CSMD1: variants seen among roughly 807,000 people sequenced by gnomAD.
CSMD1 encodes the protein CUB and sushi domain-containing protein 1.
Under a neutral mutation model 417.5 loss-of-function variants are expected in CSMD1, and 213 were observed. The ratio of observed to expected loss-of-function variants is 0.51; its 90% CI spans 0.46 to 0.57. The LOEUF is 0.57. Ranked by LOEUF, CSMD1 falls within the 20% of genes least tolerant of loss-of-function variation. The pLI is 0.00. For synonymous variants in CSMD1, 2,862 were observed against 1,736.8 expected (o/e 1.65, Z -16.11); for missense variants, 6,923 against 4,529.7 (o/e 1.53, Z -15.17).
At chr8:3,410,687 C>G (rs1319924211) in intron 12 of CSMD1, among the ~76,000 whole-genome samples, 1 of 152,092 alleles carries the variant, frequency 6.6e-6, no homozygotes, top group Non-Finnish European at 1.5e-5. Flanking sequence ...TCTTTATCAG[C>G]AGTGTAAAAA....
rs1380617862 is a variant in CSMD1, at chr8:2,935,917, G to GC, written c.*2667dup. ...AGCAGCAGTTTTAAACAGCTCTGAA[G>GC]CACGTGTCCTCTGTTAGTGTGTGGT... On this transcript the variant is annotated 3_prime_UTR_variant, in exon 70 of 70. Coordinates refer to ENST00000635120, the MANE Select transcript of CSMD1 (RefSeq NM_033225.6). 1 of 152,214 alleles carries GC rather than the reference G, an allele frequency of 6.6e-6. No individual in the cohort carries two copies. The highest frequency in any genetic ancestry group is 6.5e-5 in the Admixed American group (1 of 15,286). The allele number at this position is 152,214 out of a possible 1,614,324, so 9.4% of individuals were successfully genotyped here.
At chr8:4,097,705 G>A (rs527832724) in intron 3 of CSMD1, among the ~76,000 whole-genome samples, 4 of 152,170 alleles carry the variant, frequency 2.6e-5, no homozygotes, top group African/African-American at 9.7e-5. Flanking sequence ...AATTCAGAAA[G>A]AACATTCAAC....
intron 3 of CSMD1, among the ~76,000 whole-genome samples, chr8:4,128,780 A>C (rs961100411): frequency 1.3e-5 from 2 of 152,032 alleles, no homozygotes; most frequent in African/African-American, 4.8e-5. Flanking sequence ...CCATCAACTC[A>C]TCCTTGCTGG....
chr8:3,829,008 A>T (rs1351932778), intron 5 of CSMD1, among the ~76,000 whole-genome samples: 3 of 151,168 alleles, frequency 2.0e-5, no homozygotes, highest in Admixed American at 1.3e-4. Flanking sequence ...CTCTGTCTAC[A>T]ATCACCTTTC....
At chr8:3,181,262 C>G (rs908896805) in intron 36 of CSMD1, 48 bp from the exon 37 acceptor site, 1 of 1,258,798 alleles carries the variant, frequency 7.9e-7, no homozygotes, top group Non-Finnish European at 1.1e-6. Flanking sequence ...AATACATTCA[C>G]TTTTCTAAAT....
chr8:3,628,876 A>C (rs35906766), intron 7 of CSMD1, among the ~76,000 whole-genome samples: 1 of 149,984 alleles, frequency 6.7e-6, no homozygotes, highest in Non-Finnish European at 1.5e-5. Flanking sequence ...AAGTTTTTTT[A>C]AAAAGATTAT....
rs562774996 is a variant in CSMD1 at position 4,050,656 on chromosome 8, C to A, written c.416-18557G>T. Among the ~76,000 whole-genome samples the A allele has an allele frequency of 8.2e-4, 125 of 152,158 alleles. 2 individuals are homozygous for A. The highest frequency in any genetic ancestry group is 2.9e-3 in the African/African-American group (122 of 41,514). The stretch of plus-strand genomic sequence containing the variant: ...TATCAAATACTAGATCTTATTCGTT[C>A]TCTTTTTTTGGACCCATTACACATC... On this transcript the variant is annotated intron_variant, in intron 3 of 69. Transcript: ENST00000635120.
At chr8:3,344,282 G>A (rs970648142) in intron 22 of CSMD1, among the ~76,000 whole-genome samples, 1 of 152,120 alleles carries the variant, frequency 6.6e-6, no homozygotes, top group African/African-American at 2.4e-5. Flanking sequence ...TTCTGCCAAT[G>A]CCATGAGGCT....
intron 2 of CSMD1, among the ~76,000 whole-genome samples, chr8:4,492,934 G>A (rs1801780833): frequency 6.6e-6 from 1 of 152,240 alleles, no homozygotes; most frequent in South Asian, 2.1e-4. Context: ...GTCACAGGCA[G>A]TGAAAACTCT....
At chr8:4,256,982 G>C (rs1191663660) in intron 3 of CSMD1, among the ~76,000 whole-genome samples, 1 of 152,168 alleles carries the variant, frequency 6.6e-6, no homozygotes, top group Non-Finnish European at 1.5e-5. Context: ...TATTCAATCT[G>C]GAAGAAGTAT....
chr8:3,854,572 C>T (rs1398011563), intron 5 of CSMD1, among the ~76,000 whole-genome samples: 2 of 152,046 alleles, frequency 1.3e-5, no homozygotes, highest in Admixed American at 6.6e-5. Flanking sequence ...TTTTCTATCT[C>T]CCTGCACTGG....
intron 10 of CSMD1, among the ~76,000 whole-genome samples, chr8:3,503,296 TATAAA>T (rs1796684991): frequency 2.0e-5 from 3 of 152,246 alleles, no homozygotes; most frequent in Admixed American, 2.0e-4. Context: ...AGGAGTCTCT[TATAAA>T]CTACAATTCA....
chr8:4,111,447 T>G (rs1801850372), intron 3 of CSMD1, among the ~76,000 whole-genome samples: 1 of 152,106 alleles, frequency 6.6e-6, no homozygotes, highest in Admixed American at 6.6e-5. Context: ...ATATACCCAG[T>G]AATGGGAAAA....
intron 5 of CSMD1, among the ~76,000 whole-genome samples, chr8:3,858,949 G>T (rs915459832): frequency 4.6e-5 from 7 of 152,156 alleles, no homozygotes; most frequent in African/African-American, 1.7e-4. Context: ...TTCAGCAGTG[G>T]AAGCAGAATT....
chr8:4,272,464 G>C lies in CSMD1; in HGVS notation c.415+147489C>G, dbSNP rs565397767. On this transcript the variant is annotated intron_variant, in intron 3 of 69. Coordinates refer to ENST00000635120, the MANE Select transcript of CSMD1 (RefSeq NM_033225.6). ...ACTATCTAAAACCAGGATTCTATGA[G>C]TATATAGGCACAGATAACTATACAC... Among the ~76,000 whole-genome samples the C allele has an allele frequency of 3.9e-5, 6 of 152,174 alleles. No homozygotes were observed. In the South Asian group the frequency reaches 1.2e-3, roughly 32 times the overall value.
chr8:3,716,499 A>G (rs917234134), intron 6 of CSMD1, among the ~76,000 whole-genome samples: 1 of 152,146 alleles, frequency 6.6e-6, no homozygotes, highest in African/African-American at 2.4e-5. Flanking sequence ...GTAAACTGTA[A>G]ACTGTCATGG....
chr8:4,195,831 G>T (rs1799303786), intron 3 of CSMD1, among the ~76,000 whole-genome samples: 1 of 152,136 alleles, frequency 6.6e-6, no homozygotes, highest in African/African-American at 2.4e-5. Context: ...TGTAGATGAG[G>T]AGGCAGTGGA....
At chr8:4,881,155 T>C (rs1387622153) in intron 1 of CSMD1, among the ~76,000 whole-genome samples, 1 of 152,096 alleles carries the variant, frequency 6.6e-6, no homozygotes, top group Admixed American at 6.5e-5. Flanking sequence ...CATATTTCAC[T>C]TTGAGTTTCT....
intron 3 of CSMD1, among the ~76,000 whole-genome samples, chr8:4,203,102 G>A (rs569148221): frequency 6.6e-6 from 1 of 152,196 alleles, no homozygotes; most frequent in South Asian, 2.1e-4. Context: ...TATCTGTGTG[G>A]GTTCCCTGTT....
Sources: allele counts gnomAD v4.1 joint callset (sites outside exome capture counted in the v4.1 genomes callset), GRCh38; gene constraint gnomAD v4.1.1; transcripts MANE v1.5; gene names NCBI Gene and HGNC (gene_info 2026-07-23, HGNC 2026-07-21).